The following TOGARAM2 variants were observed in gnomAD, a reference collection of about 807,000 sequenced individuals.
TOGARAM2 encodes the protein TOG array regulator of axonemal microtubules protein 2.
Under a neutral mutation model 93.3 loss-of-function variants are expected in TOGARAM2, and 85 were observed. The observed-to-expected ratio is 0.91, with a 90% CI of 0.76 to 1.09. TOGARAM2 has a LOEUF of 1.09. TOGARAM2 is among the 50% of genes least tolerant of loss of function. The probability of loss-of-function intolerance (pLI) is 0.00; values close to 1 mark genes in which losing one functional copy is unlikely to be tolerated. For missense variants in TOGARAM2, 1,277 were observed against 1,334.5 expected, an observed-to-expected ratio of 0.96 and a Z score of 0.67; for synonymous variants, 593 against 552.8, an observed-to-expected ratio of 1.07 and a Z score of -1.02.
At chr2:28,968,705 G>A (rs143512839) in intron 1 of TOGARAM2, among the ~76,000 whole-genome samples, 3 of 151,344 alleles carry the variant, frequency 2.0e-5, no homozygotes, top group African/African-American at 4.9e-5. Flanking sequence ...TGTAGTCCCA[G>A]CTACTTAGGA....
At chr2:29,036,309 C>T (rs1012516452) in intron 17 of TOGARAM2, among the ~76,000 whole-genome samples, 1 of 152,134 alleles carries the variant, frequency 6.6e-6, no homozygotes, top group East Asian at 1.9e-4. Flanking sequence ...AACAAGACGC[C>T]CTGGACACTT....
rs70958233 is a variant in TOGARAM2 at position 28,990,991 on chromosome 2, G to GGTGTGTGT, written c.-110-3692_-110-3685dup. 3.5e-3 allele frequency among the ~76,000 whole-genome samples: 423 copies of GGTGTGTGT among 119,852 alleles called. 3 individuals are homozygous for GGTGTGTGT. Among genetic ancestry groups the GGTGTGTGT allele is most frequent in the East Asian group, 6.5e-3 (22 of 3,382 alleles). The allele number at this position is 119,852 out of a possible 152,430, so 78.6% of individuals were successfully genotyped here. On this transcript the variant is annotated intron_variant, in intron 1 of 19. Transcript: ENST00000379558. ...CATGCGAGTGTGTGTGTGTGTGAAG[G>GGTGTGTGT]GTGTGTGTGTGTGTGTGTGTGTGTG...
intron 19 of TOGARAM2, chr2:29,047,179 GGCAGGTGCGAGTGAGGCAGGGCTGGCT>G (rs1666794770): frequency 6.5e-6 from 1 of 152,724 alleles, no homozygotes; most frequent in Non-Finnish European, 1.5e-5. Context: ...CTTACGGGAA[GGCAGGTGCGAGTGAGGCAGGGCTGGCT>G]GCAGGTGAGC....
At chr2:29,025,150 T>G (rs1002888058) in intron 13 of TOGARAM2, among the ~76,000 whole-genome samples, 1 of 152,144 alleles carries the variant, frequency 6.6e-6, no homozygotes, top group Non-Finnish European at 1.5e-5. Context: ...CATAGCATAC[T>G]GCAAAGGGTG....
At position 29,028,563 on chromosome 2, in the gene TOGARAM2, C is replaced by A. The variant is rs376686404; in HGVS notation, c.2012+1552C>A. Among the ~76,000 whole-genome samples the A allele has an allele frequency of 2.0e-4, 31 of 152,226 alleles. 1 individual carries two copies. The East Asian group carries it at 4.2e-3, about 21-fold the overall frequency. On this transcript the variant is annotated intron_variant, in intron 14 of 19. Transcript: ENST00000379558. ...TCATCATTGTTTTAGAGTGCTTTGA[C>A]CCCCTGCTTATTAATAATGAGTTTG...
intron 1 of TOGARAM2, among the ~76,000 whole-genome samples, chr2:28,993,801 C>T (rs1237933242): frequency 6.6e-6 from 1 of 152,206 alleles, no homozygotes; most frequent in Non-Finnish European, 1.5e-5. Context: ...GGGGCAGTGG[C>T]TGGCTGGCTT....
intron 15 of TOGARAM2, 113 bp from the exon 16 acceptor site, chr2:29,033,356 A>T (rs1032814042): frequency 1.3e-5 from 13 of 999,268 alleles, no homozygotes; most frequent in Middle Eastern, 2.1e-4. Flanking sequence ...GTGACATCTG[A>T]AGCTCTCCTA....
At position 29,035,534 on chromosome 2, in the gene TOGARAM2, C is replaced by A; in HGVS notation, c.2296C>A (p.Gln766Lys). The change falls in exon 17 of 20, where the codon CAG becomes AAG. Residue 766 changes from glutamine (Q) to lysine (K), a missense_variant. Physicochemically the swap from Gln to Lys is moderately conservative, Grantham distance 53. Transcript: ENST00000379558. ...GCAGGGCCGCGGGGAGATGGTGGAGCAGCTACGGGAGCTGACACGGCTGCT... is the reference window on the plus strand; with the variant it reads ...GCAGGGCCGCGGGGAGATGGTGGAGAAGCTACGGGAGCTGACACGGCTGCT... ...TLQGRGEMVE[Q>K]LRELTRLLEA... 3 of 1,571,662 alleles carry A rather than the reference C, an allele frequency of 1.9e-6. No individual in the cohort carries two copies. Among genetic ancestry groups the A allele is most frequent in the East Asian group, 2.3e-5 (1 of 42,982 alleles).
At chr2:28,964,544 A>G (rs1003258447) in intron 1 of TOGARAM2, among the ~76,000 whole-genome samples, 2 of 151,196 alleles carry the variant, frequency 1.3e-5, no homozygotes, top group East Asian at 1.9e-4. Context: ...ACATAGGTAA[A>G]CGTGTGCCAC....
intron 1 of TOGARAM2, among the ~76,000 whole-genome samples, chr2:28,967,944 G>A (rs1006405294): frequency 1.3e-5 from 2 of 151,586 alleles, no homozygotes; most frequent in Admixed American, 6.6e-5. Flanking sequence ...TCAGCCTCCC[G>A]GGTAGCTGGG....
chr2:29,034,472 G>A (rs147477700), intron 16 of TOGARAM2, among the ~76,000 whole-genome samples: 1 of 152,320 alleles, frequency 6.6e-6, no homozygotes, highest in Non-Finnish European at 1.5e-5. Flanking sequence ...CAAAGGCTGT[G>A]CTCTCATCTC....
Position 29,017,947 on chromosome 2 carries a change from C to T in TOGARAM2, c.1351C>T (p.His451Tyr), listed in dbSNP as rs1422064869. 5.6e-6 allele frequency: 9 copies of T among 1,604,224 alleles called. No individual in the cohort carries two copies. The highest frequency in any genetic ancestry group is 7.7e-6 in the Non-Finnish European group (9 of 1,174,894). Residue 451 changes from histidine (H) to tyrosine (Y), a missense_variant, in exon 10 of 20, where the codon CAC becomes TAC. Transcript: ENST00000379558. ...ISRQEPRFARHASANSLPAVL... is the reference protein window; with the variant it reads ...ISRQEPRFARYASANSLPAVL... ...CCGGCAGGAGCCCCGCTTTGCCCGC[C>T]ACGCCTCAGGTGGGCAGGCCCGACT... is the stretch of plus-strand genomic sequence containing the variant.
intron 1 of TOGARAM2, among the ~76,000 whole-genome samples, chr2:28,984,943 T>C (rs1672395784): frequency 6.6e-6 from 1 of 152,238 alleles, no homozygotes; most frequent in African/African-American, 2.4e-5. Flanking sequence ...GCTGAAGGCC[T>C]TGCCAGCTGG....
At chr2:29,032,031 A>G (rs1665794442) in intron 14 of TOGARAM2, among the ~76,000 whole-genome samples, 2 of 152,188 alleles carry the variant, frequency 1.3e-5, no homozygotes, top group South Asian at 2.1e-4. Flanking sequence ...GGCCTGCACC[A>G]TCTTTTTCCT....
Position 29,026,883 on chromosome 2 carries a change from G to C in TOGARAM2, c.1884G>C (p.Ala628=). The C allele has an allele frequency of 6.3e-7, 1 of 1,592,074 alleles. No individual in the cohort carries two copies. The part of the protein sequence containing the change: ...YHRNPLIRKY[A]AEHLSAVLEQ... ...GGAACCCCTTGATCCGGAAATACGC[G>C]GCTGAGCACCTCTCAGCTGTGCTGG... Residue 628 remains alanine, a synonymous_variant, in exon 14 of 20, where the codon GCG becomes GCC. Transcript: ENST00000379558.
intron 18 of TOGARAM2, among the ~76,000 whole-genome samples, chr2:29,042,309 G>T (rs1012116591): frequency 6.6e-6 from 1 of 152,366 alleles, no homozygotes; most frequent in Non-Finnish European, 1.5e-5. Flanking sequence ...CATTTATTCA[G>T]CACCTGCAGT....
chr2:28,974,114 A>C (rs1572619472), intron 1 of TOGARAM2, among the ~76,000 whole-genome samples: 2 of 138,960 alleles, frequency 1.4e-5, no homozygotes, highest in Admixed American at 1.6e-4. Context: ...CTGAACTTTG[A>C]TTATAATATA....
intron 2 of TOGARAM2, among the ~76,000 whole-genome samples, chr2:28,997,823 A>T (rs1021861882): frequency 6.6e-6 from 1 of 152,132 alleles, no homozygotes; most frequent in Non-Finnish European, 1.5e-5. Flanking sequence ...ATGTTGGGTG[A>T]TGGAAGAGGG....
chr2:29,031,698 C>A (rs1275266664), intron 14 of TOGARAM2, among the ~76,000 whole-genome samples: 1 of 152,180 alleles, frequency 6.6e-6, no homozygotes, highest in Admixed American at 6.5e-5. Flanking sequence ...CTTTACCTGA[C>A]CTAAGGAAGA....
Sources: gnomAD v4.1 joint callset for allele counts (sites outside exome capture counted in the v4.1 genomes callset) on GRCh38, gnomAD v4.1.1 for gene constraint, MANE v1.5 for transcripts, NCBI Gene and HGNC (gene_info 2026-07-23, HGNC 2026-07-21) for gene names.